NDST4: variants seen among roughly 807,000 people sequenced by gnomAD.
NDST4 encodes N-heparan sulfate sulfotransferase 4.
Under a neutral mutation model 100.8 loss-of-function variants are expected in NDST4, and 63 were observed. The observed-to-expected ratio is 0.62, with a 90% CI of 0.51 to 0.77. The LOEUF is 0.77. Ranked by LOEUF, NDST4 falls within the 30% of genes least tolerant of loss-of-function variation. The pLI is 0.00. For synonymous variants in NDST4, 377 were observed against 361.8 expected (o/e 1.04, Z -0.48); for missense variants, 943 against 1,018.4 (o/e 0.93, Z 1.01).
intron 2 of NDST4, among the ~76,000 whole-genome samples, chr4:115,022,373 ATG>A (rs1324427147): frequency 0.032 from 1,826 of 57,056 alleles, 91 homozygotes; most frequent in Admixed American, 0.047. Context: ...TATGTGTTCC[ATG>A]TACATATGTG....
At chr4:115,105,813 G>A (rs1358375714) in intron 1 of NDST4, among the ~76,000 whole-genome samples, 3 of 152,026 alleles carry the variant, frequency 2.0e-5, no homozygotes, top group East Asian at 1.9e-4. Context: ...GTCTGCTAGC[G>A]TCACATAACA....
intron 4 of NDST4, among the ~76,000 whole-genome samples, chr4:114,947,242 A>G (rs1725886719): frequency 6.6e-6 from 1 of 152,214 alleles, no homozygotes; most frequent in Non-Finnish European, 1.5e-5. Flanking sequence ...GGATTTAACC[A>G]GGGTTGAGGC....
At chr4:115,045,005 G>C (rs962362268) in intron 2 of NDST4, among the ~76,000 whole-genome samples, 1 of 151,936 alleles carries the variant, frequency 6.6e-6, no homozygotes, top group Non-Finnish European at 1.5e-5. Flanking sequence ...TGGTATATAT[G>C]AAATGCAAGT....
At chr4:114,981,724 T>C (rs1366067978) in intron 2 of NDST4, among the ~76,000 whole-genome samples, 3 of 152,230 alleles carry the variant, frequency 2.0e-5, no homozygotes, top group Non-Finnish European at 1.5e-5. Context: ...CAAGGTGTTA[T>C]GCATATTTCT....
intron 7 of NDST4, among the ~76,000 whole-genome samples, chr4:114,857,502 C>T (rs1723822663): frequency 6.6e-6 from 1 of 152,162 alleles, no homozygotes; most frequent in South Asian, 2.1e-4. Context: ...TCCATCAGCT[C>T]ATTTTTAGTT....
intron 3 of NDST4, among the ~76,000 whole-genome samples, chr4:114,976,786 G>A (rs1182793678): frequency 2.0e-5 from 3 of 151,810 alleles, no homozygotes; most frequent in African/African-American, 7.2e-5. Context: ...GTTTTCCAAA[G>A]GAAAATAATA....
intron 6 of NDST4, among the ~76,000 whole-genome samples, chr4:114,933,430 T>A (rs1296722587): frequency 8.3e-6 from 1 of 120,776 alleles, no homozygotes; most frequent in East Asian, 2.3e-4. Flanking sequence ...TTTTTTCTTT[T>A]CCTTTTTTTT....
intron 1 of NDST4, among the ~76,000 whole-genome samples, chr4:115,086,562 C>T (rs570767087): frequency 6.6e-6 from 1 of 152,098 alleles, no homozygotes; most frequent in East Asian, 1.9e-4. Context: ...AACATTACTA[C>T]CATAATATTA....
intron 2 of NDST4, among the ~76,000 whole-genome samples, chr4:114,982,753 G>A (rs1424303134): frequency 5.9e-5 from 9 of 152,150 alleles, no homozygotes; most frequent in Non-Finnish European, 1.3e-4. Context: ...AAGACAATGG[G>A]GAAAGTGTCT....
In NDST4 at chr4:114,870,800, G is replaced by A. The variant is rs990546237; in HGVS notation, c.1687C>T (p.Leu563Phe). ...AGAGGGTCTTTCTGCTCAGGGAAGA[G>A]CTCAAAATACTGGTGGGCCAGTTGC... ...PVQLAHQYFE[L>F]FPEQKDPLWQ... Residue 563 changes from leucine (L) to phenylalanine (F), a missense_variant, in exon 7 of 14, where the codon CTC becomes TTC. By Grantham distance (22) the Leu-to-Phe change is conservative (BLOSUM62 0). This residue lies in a region of NDST4 where 526 missense variants were observed against 634.1 expected (regional missense o/e 0.83). Transcript: ENST00000264363. The A allele has an allele frequency of 2.5e-6, 4 of 1,612,530 alleles. No individual in the cohort carries two copies. Among genetic ancestry groups the A allele is most frequent in the Middle Eastern group, 1.6e-4 (1 of 6,070 alleles).
intron 2 of NDST4, among the ~76,000 whole-genome samples, chr4:115,050,495 A>T (rs1299195829): frequency 6.6e-6 from 1 of 152,050 alleles, no homozygotes; most frequent in African/African-American, 2.4e-5. Flanking sequence ...AATACTCCAG[A>T]ATTTGCCCAG....
chr4:114,926,729 C>T (rs961493314), intron 6 of NDST4, among the ~76,000 whole-genome samples: 1 of 151,972 alleles, frequency 6.6e-6, no homozygotes, highest in Non-Finnish European at 1.5e-5. Context: ...TTTTTGACTG[C>T]AGAGCAAAGC....
At chr4:114,955,838 T>G (rs965690737) in intron 4 of NDST4, 1 of 152,170 alleles carries the variant, frequency 6.6e-6, no homozygotes, top group Non-Finnish European at 1.5e-5. Context: ...CTGCCCCAGT[T>G]TAGAGTAACA....
intron 2 of NDST4, among the ~76,000 whole-genome samples, chr4:115,013,708 G>T (rs1421141414): frequency 6.6e-6 from 1 of 151,740 alleles, no homozygotes; most frequent in African/African-American, 2.4e-5. Flanking sequence ...CTGCAGTTCT[G>T]AATGCATAAC....
At chr4:114,906,421 T>C (rs1296944582) in intron 6 of NDST4, among the ~76,000 whole-genome samples, 1 of 151,952 alleles carries the variant, frequency 6.6e-6, no homozygotes, top group Non-Finnish European at 1.5e-5. Context: ...GATTATTCCA[T>C]AGATAAGCAT....
intron 9 of NDST4, among the ~76,000 whole-genome samples, chr4:114,846,262 T>C (rs1723548359): frequency 6.6e-6 from 1 of 152,208 alleles, no homozygotes; most frequent in South Asian, 2.1e-4. Flanking sequence ...ACTATACATT[T>C]GGGCTGATGT....
At chr4:114,937,797 A>G (rs544293810) in intron 4 of NDST4, among the ~76,000 whole-genome samples, 18 of 150,926 alleles carry the variant, frequency 1.2e-4, no homozygotes, top group East Asian at 7.9e-4. Context: ...TTCCTTGGAT[A>G]AATGTGGGGG....
At chr4:115,025,610 T>C (rs1176345247) in intron 2 of NDST4, among the ~76,000 whole-genome samples, 1 of 152,108 alleles carries the variant, frequency 6.6e-6, no homozygotes, top group Non-Finnish European at 1.5e-5. Flanking sequence ...AGAGACCTAT[T>C]CCATGTAAAT....
At chr4:115,109,908 T>G (rs1257393641) in intron 1 of NDST4, among the ~76,000 whole-genome samples, 2 of 151,872 alleles carry the variant, frequency 1.3e-5, no homozygotes, top group African/African-American at 4.8e-5. Context: ...ATAAATACAT[T>G]AAGTTATATC....
Sources: gnomAD v4.1 joint callset for allele counts (sites outside exome capture counted in the v4.1 genomes callset) on GRCh38, gnomAD v4.1.1 for gene constraint, gnomAD v4.1.1 regional missense constraint, MANE v1.5 for transcripts, NCBI Gene and HGNC (gene_info 2026-07-23, HGNC 2026-07-21) for gene names.